HEATR5A: variants seen among roughly 807,000 people sequenced by gnomAD.
The protein encoded by HEATR5A is HEAT repeat containing 5A.
A neutral mutation model predicts 218.8 loss-of-function variants in HEATR5A; 178 were observed. The ratio of observed to expected loss-of-function variants is 0.81; its 90% CI spans 0.72 to 0.92. The LOEUF (loss-of-function observed/expected upper bound fraction) is 0.92. HEATR5A is among the 40% of genes least tolerant of loss of function. The pLI is 0.00. For missense variants in HEATR5A, 2,420 were observed against 2,418.9 expected, an observed-to-expected ratio of 1.00 and a Z score of -0.01; for synonymous variants, 864 against 871.6, an observed-to-expected ratio of 0.99 and a Z score of 0.15.
intron 19 of HEATR5A, among the ~76,000 whole-genome samples, chr14:31,347,318 C>T (rs1901056027): frequency 6.6e-6 from 1 of 152,160 alleles, no homozygotes; most frequent in African/African-American, 2.4e-5. Flanking sequence ...CTCAAGCCAT[C>T]CTCCCACCTC....
intron 14 of HEATR5A, among the ~76,000 whole-genome samples, chr14:31,362,256 A>C (rs1324116675): frequency 6.6e-6 from 1 of 152,004 alleles, no homozygotes; most frequent in Non-Finnish European, 1.5e-5. Flanking sequence ...GATGTGAGCC[A>C]ATGTACCTGG....
At position 31,307,901 on chromosome 14, in the gene HEATR5A, T is replaced by C. The variant is rs1750079728; in HGVS notation, c.4810A>G (p.Ser1604Gly). The change falls in exon 30 of 36, where the codon AGT (serine) becomes GGT (glycine). Residue 1604 changes from serine to glycine, a missense_variant. By Grantham distance (56) the Ser-to-Gly change is moderately conservative (BLOSUM62 0). Coordinates refer to ENST00000543095, the MANE Select transcript of HEATR5A (RefSeq NM_015473.4). ...DVPWPRSKIG[S>G]DQDLGIELLN... ...AACCCCAGATAAATCACCTGATCACTGCCAATTTTTGATCTGGGCCAAGGT... is the reference window on the plus strand; with the variant it reads ...AACCCCAGATAAATCACCTGATCACCGCCAATTTTTGATCTGGGCCAAGGT... 6.2e-7 allele frequency: 1 copy of C among 1,611,720 alleles called. No homozygotes were observed. Among genetic ancestry groups the C allele is most frequent in the Admixed American group, 1.7e-5 (1 of 59,538 alleles).
chr14:31,306,282 C>T (rs1277156810), intron 31 of HEATR5A, among the ~76,000 whole-genome samples: 1 of 152,002 alleles, frequency 6.6e-6, no homozygotes, highest in Non-Finnish European at 1.5e-5. Context: ...GTTCGAGAGA[C>T]CAGGCTGGGC....
chr14:31,385,847 C>A (rs1177550084), intron 9 of HEATR5A, among the ~76,000 whole-genome samples: 2 of 152,058 alleles, frequency 1.3e-5, no homozygotes, highest in African/African-American at 4.8e-5. Flanking sequence ...CGTGCCTCAG[C>A]CTCCCGAGTA....
At chr14:31,360,052 A>G (rs1469794366) in intron 14 of HEATR5A, among the ~76,000 whole-genome samples, 1 of 5,378 alleles carries the variant, frequency 1.9e-4, no homozygotes, top group East Asian at 4.0e-3. Context: ...TCATGTTGTA[A>G]AAAAAAAAAA....
rs762269331 is a variant in HEATR5A at position 31,383,597 on chromosome 14, C to T, written c.1520G>A (p.Gly507Asp). The change falls in exon 10 of 36, where the codon GGC becomes GAC. Residue 507 changes from glycine (G) to aspartate (D), a missense_variant. Coordinates refer to ENST00000543095, the MANE Select transcript of HEATR5A (RefSeq NM_015473.4). ...GHKSSPEAVTGFSFAVAALLG... is the reference protein window; with the variant it reads ...GHKSSPEAVTDFSFAVAALLG... ...CAAAGCTGCTACAGCAAAACTGAAG[C>T]CAGTCACTGCTTCAGGTGAAGACTT... is the stretch of plus-strand genomic sequence containing the variant. 2 of 1,613,974 alleles carry T rather than the reference C, an allele frequency of 1.2e-6. No homozygotes were observed. Among genetic ancestry groups the T allele is most frequent in the African/African-American group, 1.3e-5 (1 of 75,052 alleles).
chr14:31,308,037 A>C lies in HEATR5A; in HGVS notation c.4691-17T>G, dbSNP rs779507132. 6.3e-7 allele frequency: 1 copy of C among 1,587,180 alleles called. No individual in the cohort carries two copies. The highest frequency in any genetic ancestry group is 1.2e-5 in the South Asian group (1 of 85,298). ...CGCTGATTCCTGTGGAAAGCAAAAA[A>C]AGAGGAGGAGGCTTCTTTCAAATTA... On this transcript the variant is annotated splice_polypyrimidine_tract_variant and intron_variant, in intron 29 of 35. Coordinates refer to ENST00000543095, the MANE Select transcript of HEATR5A (RefSeq NM_015473.4).
intron 1 of HEATR5A, among the ~76,000 whole-genome samples, chr14:31,407,027 C>T (rs117107679): frequency 0.025 from 3,643 of 147,344 alleles, 174 homozygotes; most frequent in Admixed American, 0.11. Flanking sequence ...CAGTGGCTCA[C>T]GCCTATAATC....
intron 13 of HEATR5A, among the ~76,000 whole-genome samples, chr14:31,365,954 C>A (rs1399974786): frequency 6.6e-6 from 1 of 152,218 alleles, no homozygotes; most frequent in East Asian, 1.9e-4. Context: ...CATGAGCCAC[C>A]ATGCCTGGCC....
At chr14:31,362,627 A>T (rs1035327898) in intron 14 of HEATR5A, among the ~76,000 whole-genome samples, 2 of 149,470 alleles carry the variant, frequency 1.3e-5, no homozygotes, top group African/African-American at 4.9e-5. Context: ...AAAAAAAAAA[A>T]AAAACTAGCT....
chr14:31,318,218 A>G lies in HEATR5A; in HGVS notation c.4038+6T>C. On this transcript the variant is annotated splice_donor_region_variant and intron_variant, in intron 26 of 35. Transcript: ENST00000543095. ...ATCTCTTAAGCTTCATCTTTTAACC[A>G]TTTACCTGACATGCTTTGGCAGTGA... The G allele has an allele frequency of 1.9e-6, 3 of 1,612,660 alleles. No individual in the cohort carries two copies. The highest frequency in any genetic ancestry group is 2.5e-6 in the Non-Finnish European group (3 of 1,178,702).
At chr14:31,339,834 T>G (rs1566760382) in intron 21 of HEATR5A, among the ~76,000 whole-genome samples, 1 of 152,220 alleles carries the variant, frequency 6.6e-6, no homozygotes, top group Admixed American at 6.6e-5. Flanking sequence ...TCCCCAAGAT[T>G]ACTGTTGTAT....
intron 22 of HEATR5A, among the ~76,000 whole-genome samples, chr14:31,330,928 T>A (rs934957383): frequency 4.8e-5 from 7 of 147,036 alleles, no homozygotes; most frequent in Middle Eastern, 3.5e-3. Flanking sequence ...TTATATGCTC[T>A]GCTTCCCTCA....
In HEATR5A at chr14:31,398,782, C is replaced by G. The variant is rs771745425; in HGVS notation, c.339-1G>C. The G allele has an allele frequency of 1.1e-5, 17 of 1,486,040 alleles. No individual in the cohort carries two copies. In the South Asian group the frequency reaches 1.8e-4, roughly 16 times the overall value. The allele number at this position is 1,486,040 out of a possible 1,614,324, so 92.1% of individuals were successfully genotyped here. A position where few individuals can be genotyped will look rare whatever the true frequency, so the allele number is the denominator to read the frequency against. ...GGAACCCAAACATACCACAGCAGCACTGAAACAACATTTAAATTAGAAATT... is the reference window on the plus strand; with the variant it reads ...GGAACCCAAACATACCACAGCAGCAGTGAAACAACATTTAAATTAGAAATT... On this transcript the variant is annotated splice_acceptor_variant, in intron 3 of 35. Transcript: ENST00000543095. LOFTEE classifies it high-confidence loss of function.
In HEATR5A at chr14:31,349,780, T is replaced by C. The variant is rs1360128882; in HGVS notation, c.2708+9A>G. 1 of 1,594,638 alleles carries C rather than the reference T, an allele frequency of 6.3e-7. No homozygotes were observed. Among genetic ancestry groups the C allele is most frequent in the African/African-American group, 1.3e-5 (1 of 74,552 alleles). On this transcript the variant is annotated intron_variant, in intron 18 of 35. Transcript: ENST00000543095. ...TAGCCTCTGAATATTAAATAAGAAA[T>C]TCACTTACTTGTCAAAGCTAACTTG...
chr14:31,317,129 T>C (rs1406712682), intron 26 of HEATR5A, among the ~76,000 whole-genome samples: 1 of 152,108 alleles, frequency 6.6e-6, no homozygotes, highest in Non-Finnish European at 1.5e-5. Context: ...GATTCATACA[T>C]TTAATGTAGT....
At chr14:31,392,487 T>C (rs1362644245) in intron 6 of HEATR5A, among the ~76,000 whole-genome samples, 1 of 152,208 alleles carries the variant, frequency 6.6e-6, no homozygotes, top group Non-Finnish European at 1.5e-5. Context: ...CTCACTGTCT[T>C]GTGATCTTAT....
chr14:31,392,363 C>T (rs1843133755), intron 6 of HEATR5A, among the ~76,000 whole-genome samples: 1 of 152,140 alleles, frequency 6.6e-6, no homozygotes. Flanking sequence ...GCTCTCTTGG[C>T]TTTCTTTCCT....
rs1417281505 is a variant in HEATR5A at position 31,417,956 on chromosome 14, C to T, written c.-75+2516G>A. 3.3e-5 allele frequency among the ~76,000 whole-genome samples: 5 copies of T among 151,954 alleles called. No individual in the cohort carries two copies. The South Asian group carries it at 1.0e-3, about 31-fold the overall frequency. ...CGCAGTGGCTCATGACTGTAATATC[C>T]CAGCACTTTGGGAGGCCGAGGCGGG... On this transcript the variant is annotated intron_variant, in intron 1 of 35. Transcript: ENST00000543095.
Sources: gnomAD v4.1 joint callset for allele counts (sites outside exome capture counted in the v4.1 genomes callset) on GRCh38, gnomAD v4.1.1 for gene constraint, MANE v1.5 for transcripts, NCBI Gene and HGNC (gene_info 2026-07-23, HGNC 2026-07-21) for gene names.